The following ASCC3 variants were observed in gnomAD, a reference collection of about 807,000 sequenced individuals.
ASCC3 encodes the protein activating signal cointegrator 1 complex subunit 3.
In ASCC3, 158 loss-of-function variants were observed where a neutral mutation model predicts 256.3. That is an observed-to-expected ratio of 0.62 (90% CI 0.54 to 0.70). The LOEUF is 0.70. ASCC3 is among the 30% of genes least tolerant of loss of function. The pLI is 0.00. For missense variants in ASCC3, 2,259 were observed against 2,626.0 expected (o/e 0.86, Z 3.05); for synonymous variants, 948 against 883.4 (o/e 1.07, Z -1.30).
chr6:100,665,138 A>G (rs1205920539), intron 14 of ASCC3, among the ~76,000 whole-genome samples: 2 of 152,160 alleles, frequency 1.3e-5, no homozygotes, highest in South Asian at 2.1e-4. Flanking sequence ...GTACTGACAT[A>G]GTACCTCCCA....
chr6:100,546,859 A>G (rs1775745270), intron 36 of ASCC3, among the ~76,000 whole-genome samples: 1 of 152,066 alleles, frequency 6.6e-6, no homozygotes, highest in African/African-American at 2.4e-5. Flanking sequence ...TTCATTCACA[A>G]TCATATACTT....
intron 14 of ASCC3, among the ~76,000 whole-genome samples, chr6:100,669,415 G>A (rs956334568): frequency 2.0e-5 from 3 of 150,970 alleles, no homozygotes; most frequent in African/African-American, 7.3e-5. Flanking sequence ...GAGATAGCCA[G>A]GATCCATATA....
At position 100,734,718 on chromosome 6, in the gene ASCC3, AGACACATCAGG is replaced by A. The variant is rs559721790; in HGVS notation, c.1738-9026_1738-9016del. Among the ~76,000 whole-genome samples the A allele has an allele frequency of 3.8e-4, 58 of 152,300 alleles. 1 individual carries two copies. Among genetic ancestry groups the A allele is most frequent in the African/African-American group, 1.4e-3 (57 of 41,566 alleles). ...ACTATTTTGGGCAATTAACTGGTAA[AGACACATCAGG>A]GAAACCACTAGGTGCCACATCAGGG... On this transcript the variant is annotated intron_variant, in intron 10 of 41. Coordinates refer to ENST00000369162, the MANE Select transcript of ASCC3 (RefSeq NM_006828.4).
intron 28 of ASCC3, 35 bp downstream of exon 28, chr6:100,627,807 T>G (rs996626517): frequency 5.6e-6 from 9 of 1,612,932 alleles, no homozygotes; most frequent in Non-Finnish European, 7.6e-6. Flanking sequence ...GTAACACTAC[T>G]AAATAAATGC....
At chr6:100,613,757 A>G (rs1360495870) in intron 30 of ASCC3, among the ~76,000 whole-genome samples, 1 of 152,040 alleles carries the variant, frequency 6.6e-6, no homozygotes, top group African/African-American at 2.4e-5. Flanking sequence ...TCTCCAGACT[A>G]TTTTCCATAG....
In ASCC3 at chr6:100,785,848, C is replaced by A. The variant is rs1035949643; in HGVS notation, c.1395+12865G>T. On this transcript the variant is annotated intron_variant, in intron 8 of 41. Coordinates refer to ENST00000369162, the MANE Select transcript of ASCC3 (RefSeq NM_006828.4). ...AATACAGATGGACCTTAGAAATATA[C>A]TTCACAGCCTGATGGTAAAATGATA... 4.6e-5 allele frequency among the ~76,000 whole-genome samples: 7 copies of A among 152,256 alleles called. No homozygotes were observed. In the East Asian group the frequency reaches 1.2e-3, roughly 25 times the overall value.
At chr6:100,550,192 T>A (rs926247728) in intron 36 of ASCC3, among the ~76,000 whole-genome samples, 3 of 151,988 alleles carry the variant, frequency 2.0e-5, no homozygotes, top group African/African-American at 7.2e-5. Flanking sequence ...TCACATTTTA[T>A]GTTTCTTTCT....
At chr6:100,677,869 A>G (rs1777105974) in intron 14 of ASCC3, among the ~76,000 whole-genome samples, 1 of 152,088 alleles carries the variant, frequency 6.6e-6, no homozygotes, top group Non-Finnish European at 1.5e-5. Flanking sequence ...ACCCAATTGT[A>G]TCAAAACTTT....
chr6:100,596,276 T>G (rs1486273259), intron 34 of ASCC3, among the ~76,000 whole-genome samples: 2 of 152,178 alleles, frequency 1.3e-5, no homozygotes, highest in Non-Finnish European at 2.9e-5. Context: ...AAATCTTCCA[T>G]TAGTGTTTGT....
intron 37 of ASCC3, among the ~76,000 whole-genome samples, chr6:100,531,772 G>A (rs941989900): frequency 2.6e-5 from 4 of 152,058 alleles, no homozygotes; most frequent in African/African-American, 9.7e-5. Context: ...ATATATAGTT[G>A]TCCTGTGGGG....
At chr6:100,788,923 G>A (rs771552214) in intron 8 of ASCC3, among the ~76,000 whole-genome samples, 4 of 151,956 alleles carry the variant, frequency 2.6e-5, no homozygotes, top group Non-Finnish European at 5.9e-5. Flanking sequence ...GTTTTTGATT[G>A]TGTTGATATT....
intron 26 of ASCC3, among the ~76,000 whole-genome samples, chr6:100,630,034 G>A (rs2114864013): frequency 6.6e-6 from 1 of 151,790 alleles, no homozygotes; most frequent in South Asian, 2.1e-4. Context: ...GGGATTACAG[G>A]CATGCACCAC....
At chr6:100,872,575 C>T (rs1283645795) in intron 1 of ASCC3, among the ~76,000 whole-genome samples, 2 of 152,030 alleles carry the variant, frequency 1.3e-5, no homozygotes, top group Non-Finnish European at 2.9e-5. Flanking sequence ...AGAATGACGG[C>T]AGGAATAAAT....
At chr6:100,820,715 G>GA (rs35055094) in intron 4 of ASCC3, among the ~76,000 whole-genome samples, 84,823 of 149,952 alleles carry the variant, frequency 0.57, 24,161 homozygotes, top group Middle Eastern at 0.7. Context: ...CACAGAATAG[G>GA]AAAAAAAAAA....
intron 34 of ASCC3, among the ~76,000 whole-genome samples, chr6:100,592,083 T>C (rs1442783885): frequency 1.3e-5 from 2 of 151,478 alleles, no homozygotes; most frequent in African/African-American, 4.8e-5. Context: ...TCTGTGGTTT[T>C]CATCCAGATA....
intron 5 of ASCC3, among the ~76,000 whole-genome samples, chr6:100,802,757 TG>T (rs1210245744): frequency 2.6e-5 from 4 of 151,886 alleles, no homozygotes; most frequent in African/African-American, 7.3e-5. Flanking sequence ...CTAAACACTT[TG>T]GGGGGCTGAG....
At chr6:100,641,203 C>T (rs754871033) in intron 24 of ASCC3, among the ~76,000 whole-genome samples, 73 of 152,230 alleles carry the variant, frequency 4.8e-4, no homozygotes, top group African/African-American at 1.6e-3. Context: ...TATTTGTTCA[C>T]GTCACCAAAA....
In ASCC3 at chr6:100,718,265, TTTAA is replaced by T; in HGVS notation, c.1903-18_1903-15del. On this transcript the variant is annotated splice_polypyrimidine_tract_variant and intron_variant, in intron 11 of 41. Coordinates refer to ENST00000369162, the MANE Select transcript of ASCC3 (RefSeq NM_006828.4). ...TGTGGATTCCACCTATATGGATTAT[TTTAA>T]TTAAATATGGGTTATTTAAATTAAT... The T allele has an allele frequency of 4.5e-6, 7 of 1,572,814 alleles. No homozygotes were observed. The highest frequency in any genetic ancestry group is 6.1e-6 in the Non-Finnish European group (7 of 1,153,812).
At chr6:100,841,836 A>C (rs768568886) in intron 4 of ASCC3, among the ~76,000 whole-genome samples, 1 of 152,158 alleles carries the variant, frequency 6.6e-6, no homozygotes, top group Non-Finnish European at 1.5e-5. Context: ...CAAAAGAAAT[A>C]ATTTACAAGA....
Sources: allele counts gnomAD v4.1 joint callset (sites outside exome capture counted in the v4.1 genomes callset), GRCh38; gene constraint gnomAD v4.1.1; transcripts MANE v1.5; gene names NCBI Gene and HGNC (gene_info 2026-07-23, HGNC 2026-07-21).